Variants in MOB3B observed in about 807,000 individuals in gnomAD.
MOB3B encodes the protein MOB kinase activator-like 2B.
Under a neutral mutation model 18.7 loss-of-function variants are expected in MOB3B, and 7 were observed. The observed-to-expected ratio is 0.37, with a 90% confidence interval of 0.21 to 0.70. The LOEUF (loss-of-function observed/expected upper bound fraction) is 0.70. Among genes scored for constraint, MOB3B ranks in the 30% least tolerant of loss-of-function variants. The pLI is 0.52. For synonymous variants in MOB3B, 111 were observed against 99.9 expected (o/e 1.11, Z -0.66); for missense variants, 253 against 281.3 (o/e 0.90, Z 0.72).
intron 1 of MOB3B, among the ~76,000 whole-genome samples, chr9:27,514,217 G>C (rs1820193975): frequency 6.6e-6 from 1 of 152,116 alleles, no homozygotes; most frequent in South Asian, 2.1e-4. Flanking sequence ...GGATAGCCCA[G>C]TATTTAATTA....
chr9:27,406,635 G>A (rs1238165485), intron 2 of MOB3B, among the ~76,000 whole-genome samples: 3 of 152,174 alleles, frequency 2.0e-5, no homozygotes. Flanking sequence ...CATACATTGG[G>A]AAGGACAGTC....
In MOB3B at chr9:27,357,888, C is replaced by CAA. The variant is rs58851638; in HGVS notation, c.621+1144_621+1145dup. On this transcript the variant is annotated intron_variant, in intron 3 of 3. Transcript: ENST00000262244. ...TCAACATAATGAGATCCCATCGCTA[C>CAA]AAAAAAAAAAAAAAAAAAAAAAAAA... Among the ~76,000 whole-genome samples the CAA allele has an allele frequency of 4.1e-3, 238 of 57,922 alleles. 3 individuals are homozygous for CAA. Among genetic ancestry groups the CAA allele is most frequent in the Admixed American group, 5.6e-3 (20 of 3,570 alleles). The allele number at this position is 57,922 out of a possible 152,430, so 38.0% of individuals were successfully genotyped here.
rs556149182 is a variant in MOB3B, at chr9:27,447,571, C to T, written c.418+7562G>A. Among the ~76,000 whole-genome samples, 13 of 152,274 alleles carry T rather than the reference C, an allele frequency of 8.5e-5. No homozygotes were observed. The East Asian group carries it at 9.6e-4, about 11-fold the overall frequency. On this transcript the variant is annotated intron_variant, in intron 2 of 3. Coordinates refer to ENST00000262244, the MANE Select transcript of MOB3B (RefSeq NM_024761.5). ...GGTAATGGAGAATCCAGTGCAGGTC[C>T]GGACAGCAGGTAATTAGCTGTAACT...
chr9:27,463,214 A>G (rs1819320919), intron 1 of MOB3B, among the ~76,000 whole-genome samples: 1 of 152,192 alleles, frequency 6.6e-6, no homozygotes, highest in Non-Finnish European at 1.5e-5. Flanking sequence ...TAATTATATA[A>G]TATTAACAAT....
In MOB3B at chr9:27,405,862, A is replaced by G. The variant is rs563534483; in HGVS notation, c.419-46626T>C. Among the ~76,000 whole-genome samples the G allele has an allele frequency of 8.5e-4, 130 of 152,350 alleles. 1 individual carries two copies. Among genetic ancestry groups the G allele is most frequent in the South Asian group, 4.8e-3 (23 of 4,830 alleles). On this transcript the variant is annotated intron_variant, in intron 2 of 3. Coordinates refer to ENST00000262244, the MANE Select transcript of MOB3B (RefSeq NM_024761.5). ...TTCAACTGATGCCAGAAAAGCGTTCAATGAAATTCAACATTGATTCATGAT... is the reference window on the plus strand; with the variant it reads ...TTCAACTGATGCCAGAAAAGCGTTCGATGAAATTCAACATTGATTCATGAT...
At chr9:27,454,574 G>C (rs1419312450) in intron 2 of MOB3B, among the ~76,000 whole-genome samples, 2 of 152,206 alleles carry the variant, frequency 1.3e-5, no homozygotes, top group African/African-American at 2.4e-5. Flanking sequence ...TGCATTTCAA[G>C]TGTCCCAGTG....
chr9:27,460,190 G>T (rs1019977285), intron 1 of MOB3B, among the ~76,000 whole-genome samples: 11 of 152,204 alleles, frequency 7.2e-5, no homozygotes, highest in African/African-American at 1.2e-4. Flanking sequence ...CATGCATACT[G>T]ATGTGACTCC....
rs139171256 is a variant in MOB3B at position 27,387,434 on chromosome 9, T to A, written c.419-28198A>T. On this transcript the variant is annotated intron_variant, in intron 2 of 3. Coordinates refer to ENST00000262244, the MANE Select transcript of MOB3B (RefSeq NM_024761.5). Reference sequence around the variant, plus strand: ...CCCTGTGTAAGCTTGGGTAGGTCACTGCACTTCAGTTTCCTCATCTGTAAA... The same window carrying A: ...CCCTGTGTAAGCTTGGGTAGGTCACAGCACTTCAGTTTCCTCATCTGTAAA... Among the ~76,000 whole-genome samples, 83 of 152,346 alleles carry A rather than the reference T, an allele frequency of 5.4e-4. 1 individual carries two copies. In the East Asian group the frequency reaches 0.016, roughly 29 times the overall value.
intron 3 of MOB3B, among the ~76,000 whole-genome samples, chr9:27,358,168 A>C (rs1402799680): frequency 6.6e-6 from 1 of 152,194 alleles, no homozygotes; most frequent in Admixed American, 6.5e-5. Flanking sequence ...TACTCTGGTC[A>C]TTCAAATGAA....
intron 2 of MOB3B, among the ~76,000 whole-genome samples, chr9:27,373,694 G>A (rs1229989102): frequency 6.6e-6 from 1 of 152,152 alleles, no homozygotes; most frequent in Non-Finnish European, 1.5e-5. Context: ...GCAATTTAAA[G>A]TCTCAATTAC....
chr9:27,461,422 A>AT (rs979827626), intron 1 of MOB3B, among the ~76,000 whole-genome samples: 1 of 152,098 alleles, frequency 6.6e-6, no homozygotes, highest in East Asian at 1.9e-4. Context: ...CAGCTTTGCT[A>AT]TTTTTTTCCC....
intron 2 of MOB3B, among the ~76,000 whole-genome samples, chr9:27,408,230 G>A (rs1178568136): frequency 1.3e-5 from 2 of 152,322 alleles, no homozygotes; most frequent in Admixed American, 6.5e-5. Flanking sequence ...GCTACTGGAA[G>A]GATGCATGTA....
At chr9:27,405,895 C>T (rs1184950739) in intron 2 of MOB3B, among the ~76,000 whole-genome samples, 1 of 152,148 alleles carries the variant, frequency 6.6e-6, no homozygotes, top group African/African-American at 2.4e-5. Flanking sequence ...GATAAAAACT[C>T]TCAAAACCTG....
intron 3 of MOB3B, among the ~76,000 whole-genome samples, chr9:27,332,051 G>T (rs1449851966): frequency 6.6e-6 from 1 of 152,058 alleles, no homozygotes; most frequent in Admixed American, 6.5e-5. Flanking sequence ...AGGCTGGAGT[G>T]CAGTGGCAAC....
At chr9:27,513,150 A>G (rs1347123533) in intron 1 of MOB3B, among the ~76,000 whole-genome samples, 1 of 152,222 alleles carries the variant, frequency 6.6e-6, no homozygotes, top group African/African-American at 2.4e-5. Context: ...AATCAAATAC[A>G]TTATCAATGG....
intron 2 of MOB3B, among the ~76,000 whole-genome samples, chr9:27,420,439 CTATGAT>C (rs1437013222): frequency 6.7e-6 from 1 of 150,252 alleles, no homozygotes; most frequent in African/African-American, 2.4e-5. Flanking sequence ...GATAAAGAAA[CTATGAT>C]TATATATATA....
chr9:27,424,298 A>G (rs898829593), intron 2 of MOB3B, among the ~76,000 whole-genome samples: 1 of 152,246 alleles, frequency 6.6e-6, no homozygotes, highest in African/African-American at 2.4e-5. Context: ...TTAGAGGTTC[A>G]TCCCAAACAT....
At chr9:27,524,641 C>A (rs747863225) in intron 1 of MOB3B, 2 of 1,614,050 alleles carry the variant, frequency 1.2e-6, no homozygotes, top group African/African-American at 1.3e-5. Context: ...AGCCAACACA[C>A]CTTCAAATAT....
chr9:27,384,549 C>A (rs1323912365), intron 2 of MOB3B, among the ~76,000 whole-genome samples: 1 of 152,194 alleles, frequency 6.6e-6, no homozygotes, highest in Non-Finnish European at 1.5e-5. Context: ...ACAATTGTTC[C>A]AGAATTCATT....
Sources: allele counts gnomAD v4.1 joint callset (sites outside exome capture counted in the v4.1 genomes callset), GRCh38; gene constraint gnomAD v4.1.1; transcripts MANE v1.5; gene names NCBI Gene and HGNC (gene_info 2026-07-23, HGNC 2026-07-21).